PCSK6: variants seen among roughly 807,000 people sequenced by gnomAD.
The protein encoded by PCSK6 is paired basic amino acid cleaving enzyme 4.
Under a neutral mutation model 123.3 loss-of-function variants are expected in PCSK6, and 85 were observed. The ratio of observed to expected loss-of-function variants is 0.69; its 90% CI spans 0.58 to 0.83. PCSK6 has a LOEUF of 0.83. PCSK6 is among the 40% of genes least tolerant of loss of function. The pLI, the probability that PCSK6 is intolerant of heterozygous loss-of-function variation, is 0.00. For missense variants in PCSK6, 1,191 were observed against 1,282.3 expected (o/e 0.93, Z 1.09); for synonymous variants, 508 against 516.0 (o/e 0.98, Z 0.21).
chr15:101,331,528 A>C, intron 15 of PCSK6, 123 bp downstream of exon 15: 1 of 821,434 alleles, frequency 1.2e-6, no homozygotes, highest in South Asian at 1.5e-5. Flanking sequence ...GCCTTTGGAA[A>C]GGGGGTGCTC....
chr15:101,335,493 T>A (rs1159143472), intron 13 of PCSK6, among the ~76,000 whole-genome samples: 1 of 152,230 alleles, frequency 6.6e-6, no homozygotes, highest in Non-Finnish European at 1.5e-5. Flanking sequence ...TCCCTCCCCA[T>A]GGGCAATGTT....
intron 2 of PCSK6, 91 bp from the exon 3 acceptor site, chr15:101,432,191 G>C: frequency 2.1e-6 from 2 of 975,142 alleles, no homozygotes; most frequent in African/African-American, 1.6e-5. Flanking sequence ...TTCCTTGTGC[G>C]TGAATATCTG....
intron 13 of PCSK6, among the ~76,000 whole-genome samples, chr15:101,339,704 C>T (rs142568792): frequency 0.012 from 1,825 of 152,082 alleles, 32 homozygotes; most frequent in African/African-American, 0.041. Flanking sequence ...GCCAGGAGTT[C>T]GAGACCAGCC....
chr15:101,360,889 A>G (rs181976260), intron 13 of PCSK6, among the ~76,000 whole-genome samples: 2 of 152,256 alleles, frequency 1.3e-5, no homozygotes, highest in Admixed American at 1.3e-4. Context: ...TTTTCTCCTT[A>G]GAGCTTCTCA....
At chr15:101,440,723 G>A (rs927046056) in intron 2 of PCSK6, among the ~76,000 whole-genome samples, 4 of 152,114 alleles carry the variant, frequency 2.6e-5, no homozygotes. Flanking sequence ...CAGATGTGAA[G>A]GTATCATAAA....
At chr15:101,413,633 A>AC (rs35242907) in intron 6 of PCSK6, among the ~76,000 whole-genome samples, 16,015 of 152,214 alleles carry the variant, frequency 0.11, 968 homozygotes, top group East Asian at 0.17. Context: ...TTGACAGCAG[A>AC]CCGGGGGGCT....
chr15:101,463,046 G>T (rs1287244898), intron 1 of PCSK6: 1 of 462,522 alleles, frequency 2.2e-6, no homozygotes, highest in Non-Finnish European at 4.3e-6. Context: ...AGAGTTCGCT[G>T]CCAAAACCAC....
At position 101,395,652 on chromosome 15, in the gene PCSK6, G is replaced by C. The variant is rs1035382018; in HGVS notation, c.997-2228C>G. Among the ~76,000 whole-genome samples the C allele has an allele frequency of 2.0e-5, 3 of 152,208 alleles. No homozygotes were observed. In the South Asian group the frequency reaches 6.2e-4, roughly 32 times the overall value. On this transcript the variant is annotated intron_variant, in intron 7 of 21. Transcript: ENST00000611716. ...TCATGGAAGCCATGGGACAGAAGCT[G>C]TAGGGGACATTTCAACCCTAGCCAT...
chr15:101,474,759 A>C lies in PCSK6; in HGVS notation c.297+14615T>G, dbSNP rs574628187. 5.3e-5 allele frequency among the ~76,000 whole-genome samples: 8 copies of C among 151,958 alleles called. No homozygotes were observed. The East Asian group carries it at 1.5e-3, about 29-fold the overall frequency. On this transcript the variant is annotated intron_variant, in intron 1 of 21. Transcript: ENST00000611716. ...AGGCACCAGAAGGAGGCTGCACCCT[A>C]CTCAGCTCCAGCTCCCACAGGATCT...
At chr15:101,445,063 G>A (rs2056852223) in intron 1 of PCSK6, among the ~76,000 whole-genome samples, 2 of 152,160 alleles carry the variant, frequency 1.3e-5, no homozygotes, top group Admixed American at 1.3e-4. Context: ...GCTCCAGTGT[G>A]TTTCTGTTGC....
At chr15:101,472,184 C>G (rs1247480431) in intron 1 of PCSK6, among the ~76,000 whole-genome samples, 1 of 152,204 alleles carries the variant, frequency 6.6e-6, no homozygotes, top group East Asian at 1.9e-4. Flanking sequence ...TGGCTTGAGT[C>G]TCTCCTCAAA....
At chr15:101,337,743 A>C (rs1028695078) in intron 13 of PCSK6, among the ~76,000 whole-genome samples, 1 of 152,224 alleles carries the variant, frequency 6.6e-6, no homozygotes, top group African/African-American at 2.4e-5. Flanking sequence ...TGTTTGGTGC[A>C]TTAGCTTCAG....
chr15:101,403,368 A>G (rs931511638), intron 6 of PCSK6, among the ~76,000 whole-genome samples: 2 of 151,680 alleles, frequency 1.3e-5, no homozygotes, highest in South Asian at 2.1e-4. Flanking sequence ...ACATGTACAC[A>G]TATGTAACTA....
intron 15 of PCSK6, among the ~76,000 whole-genome samples, chr15:101,331,194 G>A (rs182585819): frequency 2.6e-5 from 4 of 152,324 alleles, no homozygotes; most frequent in African/African-American, 7.2e-5. Context: ...GTGAACTGGC[G>A]GCCCCAAACC....
chr15:101,395,934 C>T (rs1442744650), intron 7 of PCSK6, among the ~76,000 whole-genome samples: 1 of 152,098 alleles, frequency 6.6e-6, no homozygotes, highest in East Asian at 1.9e-4. Context: ...CAAGTTACAG[C>T]TTCTACAGTC....
intron 16 of PCSK6, 97 bp downstream of exon 16, chr15:101,326,280 G>A (rs1414225613): frequency 6.6e-6 from 6 of 903,216 alleles, no homozygotes; most frequent in African/African-American, 5.0e-5. Context: ...GGGGTGCTAC[G>A]TTACTTCCTA....
chr15:101,479,749 C>T (rs547450013), intron 1 of PCSK6, among the ~76,000 whole-genome samples: 1 of 152,304 alleles, frequency 6.6e-6, no homozygotes, highest in South Asian at 2.1e-4. Context: ...GGGCCCTTAT[C>T]CAACACGAGG....
rs1397842649 is a variant in PCSK6, at chr15:101,405,028, T to C, written c.824-6452A>G. 2.2e-4 allele frequency among the ~76,000 whole-genome samples: 34 copies of C among 152,170 alleles called. 1 individual carries two copies. The highest frequency in any genetic ancestry group is 2.2e-3 in the Admixed American group (34 of 15,282). On this transcript the variant is annotated intron_variant, in intron 6 of 21. Coordinates refer to ENST00000611716, the MANE Select transcript of PCSK6 (RefSeq NM_002570.5). The stretch of plus-strand genomic sequence containing the variant: ...TCTTGGAAAAAGACTGACTGATGTG[T>C]GGGAAAGCAAGCATCACGCGCTTAG...
Position 101,366,271 on chromosome 15 carries a change from C to T in PCSK6, c.1783G>A (p.Gly595Arg), listed in dbSNP as rs369800027. The T allele has an allele frequency of 6.2e-7, 1 of 1,613,668 alleles. No individual in the cohort carries two copies. The highest frequency in any genetic ancestry group is 8.5e-7 in the Non-Finnish European group (1 of 1,179,794). ...GTCCACTGCCCTTCAGCCTTTTCTCCCCAGCAGTGGACAGTCATGAATTCC... is the reference window on the plus strand; with the variant it reads ...GTCCACTGCCCTTCAGCCTTTTCTCTCCAGCAGTGGACAGTCATGAATTCC... Reference protein sequence around the residue: ...NWEFMTVHCWGEKAEGQWTLE... With the variant: ...NWEFMTVHCWREKAEGQWTLE... The change falls in exon 13 of 22, where the codon GGA becomes AGA. Residue 595 changes from glycine to arginine, a missense_variant. Gly to Arg is a moderately radical substitution (Grantham distance 125, BLOSUM62 -2). Coordinates refer to ENST00000611716, the MANE Select transcript of PCSK6 (RefSeq NM_002570.5).
Sources: allele counts gnomAD v4.1 joint callset (sites outside exome capture counted in the v4.1 genomes callset), GRCh38; gene constraint gnomAD v4.1.1; transcripts MANE v1.5; gene names NCBI Gene and HGNC (gene_info 2026-07-23, HGNC 2026-07-21).